TMEM272: variants seen among roughly 807,000 people sequenced by gnomAD.
TMEM272 encodes the protein transmembrane protein 272, also known as long intergenic non-protein coding RNA 282.
TMEM272 carries 8 observed loss-of-function variants against 3.7 expected under a neutral mutation model. The ratio of observed to expected loss-of-function variants is 2.17; its 90% CI spans 1.27 to 3.91. The LOEUF (loss-of-function observed/expected upper bound fraction) is 3.91, where lower values mean the gene tolerates loss of function less well. Ranked by LOEUF, TMEM272 falls within the 30% of genes most tolerant of loss-of-function variation. TMEM272 has a pLI of 0.00. For synonymous variants in TMEM272, 63 were observed against 39.8 expected (o/e 1.58, Z -2.20); for missense variants, 166 against 91.5 (o/e 1.81, Z -3.32).
chr13:51,850,211 C>A, the TMEM272 span, among the ~76,000 whole-genome samples: 71 of 152,162 alleles, frequency 4.7e-4, no homozygotes, highest in Non-Finnish European at 9.0e-4. Flanking sequence ...TTATCAACTA[C>A]AATTTTACGT....
At chr13:51,885,335 G>C in the TMEM272 span, among the ~76,000 whole-genome samples, 3 of 152,126 alleles carry the variant, frequency 2.0e-5, no homozygotes, top group Admixed American at 1.3e-4. Flanking sequence ...TCACAGTTCC[G>C]CATGGCTGGG....
the TMEM272 span, among the ~76,000 whole-genome samples, chr13:51,926,631 TTGTGGGTGTGGG>T: frequency 8.0e-3 from 1,177 of 146,858 alleles, 17 homozygotes; most frequent in South Asian, 0.056. Flanking sequence ...TGGGGCGGGT[TTGTGGGTGTGGG>T]TGTGGGTGTG....
the TMEM272 span, among the ~76,000 whole-genome samples, chr13:51,925,671 C>G: frequency 1.3e-5 from 2 of 152,146 alleles, no homozygotes; most frequent in African/African-American, 4.8e-5. Flanking sequence ...CCTCCCACAG[C>G]TTGCCAAGGA....
At chr13:51,895,686 A>C in the TMEM272 span, among the ~76,000 whole-genome samples, 15 of 152,058 alleles carry the variant, frequency 9.9e-5, no homozygotes, top group Non-Finnish European at 1.9e-4. Context: ...ACCACTGCCT[A>C]CATCCCCCCA....
chr13:51,897,963 G>A, the TMEM272 span, among the ~76,000 whole-genome samples: 2 of 145,096 alleles, frequency 1.4e-5, no homozygotes, highest in African/African-American at 2.6e-5. Flanking sequence ...GGTGGCTCAC[G>A]CCTGTAATTC....
At chr13:51,931,237 G>A in the TMEM272 span, among the ~76,000 whole-genome samples, 1 of 143,130 alleles carries the variant, frequency 7.0e-6, no homozygotes, top group African/African-American at 2.6e-5. Context: ...ATAGACTGAA[G>A]AAAATGTGGC....
Position 51,845,076 on chromosome 13 carries a change from G to A in TMEM272, c.-84C>T, listed in dbSNP as rs1366751789. On this transcript the variant is annotated 5_prime_UTR_variant, in exon 1 of 5. Transcript: ENST00000629372. The stretch of plus-strand genomic sequence containing the variant: ...CACTCAGCACCTCTGTGGTCCCGAA[G>A]TCCAGGGCTGCCTCTGTGGGGCTCC... 2 of 152,302 alleles carry A rather than the reference G, an allele frequency of 1.3e-5. No individual in the cohort carries two copies. Among genetic ancestry groups the A allele is most frequent in the Non-Finnish European group, 2.9e-5 (2 of 68,118 alleles). 9.4% of individuals were successfully genotyped at this position (152,302 alleles called of 1,614,324 possible). A position where few individuals can be genotyped will look rare whatever the true frequency, so the allele number is the denominator to read the frequency against.
intron 1 of TMEM272, 72 bp from the exon 2 acceptor site, chr13:51,838,625 T>C: frequency 1.4e-6 from 1 of 701,802 alleles, no homozygotes; most frequent in Non-Finnish European, 2.6e-6. Context: ...CAACCCTCTC[T>C]GTGCATGTCA....
chr13:51,824,995 G>A (rs912559044), intron 3 of TMEM272, among the ~76,000 whole-genome samples: 3 of 152,148 alleles, frequency 2.0e-5, no homozygotes, highest in East Asian at 1.9e-4. Flanking sequence ...AGGGTCCAAA[G>A]GCTAGGGTTC....
intron 4 of TMEM272, among the ~76,000 whole-genome samples, chr13:51,821,686 AAGCAAAAAAAAAAAAAGCAGC>A (rs1229264483): frequency 1.4e-4 from 19 of 135,708 alleles, no homozygotes; most frequent in African/African-American, 5.1e-4. Context: ...AAAAAAAAAA[AAGCAAAAAAAAAAAAAGCAGC>A]AGCAGCAGCA....
chr13:51,820,448 T>C (rs1309194080), intron 4 of TMEM272, among the ~76,000 whole-genome samples: 1 of 152,172 alleles, frequency 6.6e-6, no homozygotes, highest in African/African-American at 2.4e-5. Context: ...AGCACAAAAA[T>C]TTAATTTGGC....
the TMEM272 span, among the ~76,000 whole-genome samples, chr13:51,931,421 T>C: frequency 6.6e-6 from 1 of 150,474 alleles, no homozygotes; most frequent in African/African-American, 2.5e-5. Context: ...TTCTCACTCG[T>C]AAGTGGGAGA....
At chr13:51,859,026 G>T in the TMEM272 span, among the ~76,000 whole-genome samples, 9 of 152,160 alleles carry the variant, frequency 5.9e-5, no homozygotes, top group Admixed American at 2.0e-4. Context: ...GACTGAGTAA[G>T]GGTTAGGATG....
chr13:51,923,225 A>G, the TMEM272 span, among the ~76,000 whole-genome samples: 6 of 152,136 alleles, frequency 3.9e-5, no homozygotes, highest in South Asian at 1.0e-3. Flanking sequence ...GGGATGGGAG[A>G]CTACACTTTT....
chr13:51,826,742 C>A, intron 2 of TMEM272, 117 bp from the exon 3 acceptor site: 1 of 670,268 alleles, frequency 1.5e-6, no homozygotes, highest in South Asian at 1.6e-5. Flanking sequence ...AGTGGCAAGT[C>A]AGCAGACAGG....
chr13:51,824,792 A>T (rs912560402), intron 3 of TMEM272, among the ~76,000 whole-genome samples: 2 of 152,180 alleles, frequency 1.3e-5, no homozygotes, highest in African/African-American at 4.8e-5. Context: ...GTCTCTACTA[A>T]AAATATATAA....
chr13:51,830,623 T>A (rs1421826696), intron 2 of TMEM272, among the ~76,000 whole-genome samples: 1 of 152,188 alleles, frequency 6.6e-6, no homozygotes, highest in Non-Finnish European at 1.5e-5. Context: ...ATCATTACTA[T>A]TATTATTTTC....
At chr13:51,895,915 T>C in the TMEM272 span, among the ~76,000 whole-genome samples, 2 of 152,332 alleles carry the variant, frequency 1.3e-5, no homozygotes, top group Admixed American at 1.3e-4. Flanking sequence ...TTTCCCTTTT[T>C]AAATTTTTAC....
chr13:51,821,282 T>C (rs1170730698), intron 4 of TMEM272, among the ~76,000 whole-genome samples: 1 of 152,216 alleles, frequency 6.6e-6, no homozygotes, highest in Non-Finnish European at 1.5e-5. Context: ...GAGGTGGGCT[T>C]GGAAGACTGG....
Sources: allele counts gnomAD v4.1 joint callset (sites outside exome capture counted in the v4.1 genomes callset), GRCh38; gene constraint gnomAD v4.1.1; transcripts MANE v1.5; gene names NCBI Gene and HGNC (gene_info 2026-07-23, HGNC 2026-07-21).